ARID1A: variants seen among roughly 807,000 people sequenced by gnomAD.
ARID1A encodes the protein AT-rich interactive domain-containing protein 1A.
A neutral mutation model predicts 212.6 loss-of-function variants in ARID1A; 20 were observed. That is an observed-to-expected ratio of 0.09 (90% CI 0.07 to 0.14). The LOEUF (loss-of-function observed/expected upper bound fraction) is 0.14, where lower values mean the gene tolerates loss of function less well. Among genes scored for constraint, ARID1A ranks in the 10% least tolerant of loss-of-function variants. The pLI, the probability that ARID1A is intolerant of heterozygous loss-of-function variation, is 1.00. For missense variants in ARID1A, 2,587 were observed against 3,059.0 expected, an observed-to-expected ratio of 0.85 and a Z score of 3.64; for synonymous variants, 1,376 against 1,222.1, an observed-to-expected ratio of 1.13 and a Z score of -2.63.
chr1:26,775,242 G>A (rs371056521), intron 18 of ARID1A, 22 bp downstream of exon 18: 72 of 1,551,830 alleles, frequency 4.6e-5, no homozygotes, highest in Admixed American at 5.9e-5. Context: ...TTCCTCATTC[G>A]GTTGCCTAAT....
At position 26,696,110 on chromosome 1, in the gene ARID1A, T is replaced by A. The variant is rs2080246855; in HGVS notation, c.-294T>A. 2 of 436,602 alleles carry A rather than the reference T, an allele frequency of 4.6e-6. No individual in the cohort carries two copies. Among genetic ancestry groups the A allele is most frequent in the Non-Finnish European group, 6.5e-6 (2 of 308,710 alleles). 27.0% of individuals were successfully genotyped at this position (436,602 alleles called of 1,614,324 possible). A position where few individuals can be genotyped will look rare whatever the true frequency, so the allele number is the denominator to read the frequency against. ...CCCCCCTCATTCCCAGGCAAGGGCT[T>A]GGGGGGAATGAGCCGGGAGAGCCGG... On this transcript the variant is annotated 5_prime_UTR_variant, in exon 1 of 20. Transcript: ENST00000324856.
At chr1:26,714,436 C>CGGAATCT (rs1282893350) in intron 1 of ARID1A, among the ~76,000 whole-genome samples, 1 of 148,260 alleles carries the variant, frequency 6.7e-6, no homozygotes, top group Non-Finnish European at 1.5e-5. Flanking sequence ...GTTTTTGAGA[C>CGGAATCT]GGAATCTCGT....
chr1:26,719,905 C>T lies in ARID1A; in HGVS notation c.1138-9746C>T, dbSNP rs192565181. 7.9e-5 allele frequency among the ~76,000 whole-genome samples: 11 copies of T among 138,438 alleles called. No homozygotes were observed. In the East Asian group the frequency reaches 2.1e-3, roughly 27 times the overall value. The allele number at this position is 138,438 out of a possible 152,430, so 90.8% of individuals were successfully genotyped here. On this transcript the variant is annotated intron_variant, in intron 1 of 19. Coordinates refer to ENST00000324856, the MANE Select transcript of ARID1A (RefSeq NM_006015.6). The stretch of plus-strand genomic sequence containing the variant: ...GCAATGAGCCGAGATCGCGCCATTA[C>T]ACTCTAGCCTGGGCAACAAAAGTGA...
intron 1 of ARID1A, among the ~76,000 whole-genome samples, chr1:26,724,422 T>C (rs147185864): frequency 6.6e-6 from 1 of 152,332 alleles, no homozygotes; most frequent in African/African-American, 2.4e-5. Flanking sequence ...GTTGGACTTT[T>C]ATTTAAATAA....
chr1:26,764,680 C>T (rs1186040538), intron 8 of ARID1A: 1 of 152,118 alleles, frequency 6.6e-6, no homozygotes, highest in Non-Finnish European at 1.5e-5. Context: ...TTGGGCCCCT[C>T]AAGAAATAAT....
chr1:26,765,295 GCT>G (rs1186255992), intron 8 of ARID1A: 1 of 151,706 alleles, frequency 6.6e-6, no homozygotes, highest in Non-Finnish European at 1.5e-5. Context: ...GACCATCCTG[GCT>G]AATACGGTGA....
In ARID1A at chr1:26,771,488, G is replaced by A; in HGVS notation, c.3406+162G>A. ...AACAGGTTGGCTGACTAGAGAGTGG[G>A]CAGTGGAAACTCCCTTGGGAGGTAC... On this transcript the variant is annotated intron_variant, in intron 12 of 19. Transcript: ENST00000324856. This position sits in a 1 kb window ranked among gnomAD's most constrained non-coding sequence, Gnocchi z 5.4. The A allele has an allele frequency of 1.3e-6, 1 of 741,738 alleles. No individual in the cohort carries two copies. Among genetic ancestry groups the A allele is most frequent in the East Asian group, 2.7e-5 (1 of 36,938 alleles). The allele number at this position is 741,738 out of a possible 1,614,324, so 45.9% of individuals were successfully genotyped here.
intron 12 of ARID1A, 179 bp from the exon 13 acceptor site, chr1:26,772,321 A>G: frequency 1.2e-6 from 1 of 844,806 alleles, no homozygotes; most frequent in Non-Finnish European, 1.8e-6. Flanking sequence ...GAGCTACAAA[A>G]CCCTCAGATT....
In ARID1A at chr1:26,771,409, AT is replaced by A; in HGVS notation, c.3406+84del. On this transcript the variant is annotated intron_variant, in intron 12 of 19. Coordinates refer to ENST00000324856, the MANE Select transcript of ARID1A (RefSeq NM_006015.6). This position sits in a 1 kb window ranked among gnomAD's most constrained non-coding sequence, Gnocchi z 5.4. ...TATTCAGGATATGAATAAGAGGCTT[AT>A]CCAACAGGATATGCCAAGGATCTGT... 7.2e-7 allele frequency: 1 copy of A among 1,389,110 alleles called. No individual in the cohort carries two copies. Among genetic ancestry groups the A allele is most frequent in the Non-Finnish European group, 1.0e-6 (1 of 999,624 alleles). The allele number at this position is 1,389,110 out of a possible 1,614,324, so 86.0% of individuals were successfully genotyped here.
chr1:26,701,591 C>T (rs764886437), intron 1 of ARID1A, among the ~76,000 whole-genome samples: 1 of 152,160 alleles, frequency 6.6e-6, no homozygotes. Flanking sequence ...CATTTTCTCC[C>T]TCATCAATAA....
chr1:26,731,127 A>G, intron 2 of ARID1A, 25 bp from the exon 3 acceptor site: 1 of 1,599,252 alleles, frequency 6.3e-7, no homozygotes, highest in Non-Finnish European at 8.6e-7. Flanking sequence ...AGTCAGTGCT[A>G]AAAGTATATT....
chr1:26,706,889 C>T (rs1286789820), intron 1 of ARID1A, among the ~76,000 whole-genome samples: 1 of 152,304 alleles, frequency 6.6e-6, no homozygotes, highest in African/African-American at 2.4e-5. Flanking sequence ...GTTTGGATAA[C>T]CGGCTTTTAG....
chr1:26,705,424 G>A (rs2080379661), intron 1 of ARID1A, among the ~76,000 whole-genome samples: 1 of 149,542 alleles, frequency 6.7e-6, no homozygotes, highest in Non-Finnish European at 1.5e-5. Context: ...ACAGGTGTGA[G>A]CCACCACGCC....
Position 26,729,697 on chromosome 1 carries a change from A to G in ARID1A, c.1184A>G (p.Tyr395Cys), listed in dbSNP as rs1204236291. The change falls in exon 2 of 20, where the codon TAT becomes TGT. Residue 395 changes from tyrosine (Y) to cysteine (C), a missense_variant. Physicochemically the swap from Tyr to Cys is radical, Grantham distance 194. Around this residue, in one of 11 missense-constraint regions of ARID1A, gnomAD observed 674 missense variants for 813.4 expected, o/e 0.83. Transcript: ENST00000324856. ...DQMGKMRPQP[Y>C]GGTNPYSQQQ... ...ATGGGCAAGATGAGACCTCAGCCAT[A>G]TGGCGGGACTAACCCATACTCGCAG... 6.2e-6 allele frequency: 10 copies of G among 1,614,138 alleles called. No homozygotes were observed.
At position 26,696,282 on chromosome 1, in the gene ARID1A, C is replaced by G. The variant is rs2080250086; in HGVS notation, c.-122C>G. The G allele has an allele frequency of 2.6e-6, 3 of 1,139,680 alleles. No homozygotes were observed. Among genetic ancestry groups the G allele is most frequent in the Non-Finnish European group, 1.1e-6 (1 of 923,326 alleles). 70.6% of individuals were successfully genotyped at this position (1,139,680 alleles called of 1,614,324 possible). On this transcript the variant is annotated 5_prime_UTR_variant, in exon 1 of 20. Transcript: ENST00000324856. ...CGAGCGCAGCGCAGCAGCGGAGCCC[C>G]GCGAGGCCCGCCCGGGCGGGTGGGG...
chr1:26,749,090 G>A (rs1018610172), intron 4 of ARID1A, among the ~76,000 whole-genome samples: 7 of 152,056 alleles, frequency 4.6e-5, no homozygotes, highest in Non-Finnish European at 8.8e-5. Context: ...GTGTGAACCC[G>A]GGAGGCAGAG....
chr1:26,739,452 G>C (rs2080766594), intron 4 of ARID1A, among the ~76,000 whole-genome samples: 1 of 152,242 alleles, frequency 6.6e-6, no homozygotes, highest in Middle Eastern at 3.4e-3. Flanking sequence ...GATGCTGCCA[G>C]TTCAGAAGAC....
Position 26,771,461 on chromosome 1 carries a change from T to A in ARID1A, c.3406+135T>A. The A allele has an allele frequency of 6.2e-6, 6 of 970,760 alleles. No individual in the cohort carries two copies. Among genetic ancestry groups the A allele is most frequent in the Non-Finnish European group, 9.1e-6 (6 of 660,614 alleles). 60.1% of individuals were successfully genotyped at this position (970,760 alleles called of 1,614,324 possible). The stretch of plus-strand genomic sequence containing the variant: ...GCTCTGCCTTGCCCTACCACAGGGC[T>A]TAACAGGTTGGCTGACTAGAGAGTG... On this transcript the variant is annotated intron_variant, in intron 12 of 19. Coordinates refer to ENST00000324856, the MANE Select transcript of ARID1A (RefSeq NM_006015.6). The surrounding 1 kb of genome is among the most constrained non-coding windows in gnomAD (Gnocchi z 5.4).
Position 26,729,746 on chromosome 1 carries a change from G to A in ARID1A, c.1233G>A (p.Pro411=), listed in dbSNP as rs758988561. The stretch of plus-strand genomic sequence containing the variant: ...AGCAACAGGGACCTCCGTCAGGACC[G>A]CAGCAAGGACATGGGTACCCAGGGC... ...YSQQQGPPSG[P]QQGHGYPGQP... The change falls in exon 2 of 20, where the codon CCG becomes CCA. Residue 411 remains proline, a synonymous_variant. Transcript: ENST00000324856. 8.7e-6 allele frequency: 14 copies of A among 1,614,098 alleles called. No homozygotes were observed. Among genetic ancestry groups the A allele is most frequent in the Admixed American group, 1.7e-5 (1 of 60,008 alleles).
Sources: allele counts gnomAD v4.1 joint callset (sites outside exome capture counted in the v4.1 genomes callset), GRCh38; gene constraint gnomAD v4.1.1; regional missense constraint gnomAD v4.1.1; non-coding constraint Gnocchi (gnomAD v3.1); transcripts MANE v1.5; gene names NCBI Gene and HGNC (gene_info 2026-07-23, HGNC 2026-07-21).